TMOD3: variants seen among roughly 807,000 people sequenced by gnomAD.
TMOD3 encodes tropomodulin 3, also known as tropomodulin-3.
Under a neutral mutation model 39.2 loss-of-function variants are expected in TMOD3, and 20 were observed. The ratio of observed to expected loss-of-function variants is 0.51; its 90% confidence interval spans 0.36 to 0.74. The LOEUF (loss-of-function observed/expected upper bound fraction) is 0.74, where lower values mean the gene tolerates loss of function less well. TMOD3 is among the 30% of genes least tolerant of loss of function. The probability of loss-of-function intolerance (pLI) is 0.00; values close to 1 mark genes in which losing one functional copy is unlikely to be tolerated. For missense variants in TMOD3, 381 were observed against 412.8 expected, an observed-to-expected ratio of 0.92 and a Z score of 0.67; for synonymous variants, 143 against 145.8, an observed-to-expected ratio of 0.98 and a Z score of 0.14.
intron 2 of TMOD3, among the ~76,000 whole-genome samples, chr15:51,865,213 A>G (rs1004467762): frequency 1.3e-5 from 2 of 152,182 alleles, no homozygotes; most frequent in Admixed American, 6.5e-5. Flanking sequence ...ACTGAAAAAC[A>G]TAATACCCTC....
intron 3 of TMOD3, among the ~76,000 whole-genome samples, chr15:51,883,950 A>T (rs2056547260): frequency 6.6e-6 from 1 of 152,256 alleles, no homozygotes; most frequent in Non-Finnish European, 1.5e-5. Context: ...AATTATCAGG[A>T]CATAATGATT....
chr15:51,900,108 G>A (rs770729592), intron 7 of TMOD3, 47 bp from the exon 8 acceptor site: 1 of 1,555,784 alleles, frequency 6.4e-7, no homozygotes. Flanking sequence ...ATATGTAGTA[G>A]GTACTGTATC....
intron 3 of TMOD3, chr15:51,874,929 A>G (rs2056494033): frequency 2.0e-5 from 3 of 152,102 alleles, no homozygotes; most frequent in East Asian, 3.9e-4. Flanking sequence ...GGGTACAGCC[A>G]TTTATGCTTT....
intron 3 of TMOD3, among the ~76,000 whole-genome samples, chr15:51,878,400 G>GTGTGTGTGTGTT (rs2056516356): frequency 1.3e-5 from 2 of 152,100 alleles, no homozygotes; most frequent in South Asian, 4.2e-4. Context: ...GTGTGTGTGT[G>GTGTGTGTGTGTT]TGTGTGTAAA....
chr15:51,842,452 C>T (rs959875362), intron 1 of TMOD3, among the ~76,000 whole-genome samples: 2 of 152,168 alleles, frequency 1.3e-5, no homozygotes, highest in African/African-American at 2.4e-5. Context: ...AGTCATCTTG[C>T]CCTTTCTCTT....
Position 51,906,977 on chromosome 15 carries a change from G to A in TMOD3, c.1025-1799G>A, listed in dbSNP as rs144946573. Among the ~76,000 whole-genome samples the A allele has an allele frequency of 6.1e-3, 883 of 144,166 alleles. 7 individuals are homozygous for A. Among genetic ancestry groups the A allele is most frequent in the African/African-American group, 0.022 (838 of 38,650 alleles). 94.6% of individuals were successfully genotyped at this position (144,166 alleles called of 152,430 possible). The stretch of plus-strand genomic sequence containing the variant: ...AGAGGTTGCGGTGAGCCGAGATCGC[G>A]CCATTGCACTCCAGCCTGGGCAACA... On this transcript the variant is annotated intron_variant, in intron 9 of 9. Coordinates refer to ENST00000308580, the MANE Select transcript of TMOD3 (RefSeq NM_014547.5).
chr15:51,880,797 G>A (rs1045834190), intron 3 of TMOD3, among the ~76,000 whole-genome samples: 4 of 152,144 alleles, frequency 2.6e-5, no homozygotes, highest in African/African-American at 9.7e-5. Flanking sequence ...TTTTATACAA[G>A]TTGTTATATA....
At chr15:51,885,945 G>A (rs1214163779) in intron 3 of TMOD3, among the ~76,000 whole-genome samples, 2 of 149,936 alleles carry the variant, frequency 1.3e-5, no homozygotes, top group African/African-American at 2.5e-5. Flanking sequence ...CGGACAGGGT[G>A]GCTGGCCGGG....
chr15:51,887,644 G>A lies in TMOD3; in HGVS notation c.339G>A (p.Val113=), dbSNP rs1391241230. 6.2e-7 allele frequency: 1 copy of A among 1,613,930 alleles called. No individual in the cohort carries two copies. The highest frequency in any genetic ancestry group is 1.7e-5 in the Admixed American group (1 of 59,986). ...TACAGACTTTTACAGAAGAAAAAGT[G>A]TCTCTTGATCCAGAATTAGAAGAAG... The part of the protein sequence containing the change: ...KPVQTFTEEK[V]SLDPELEEAL... The change falls in exon 4 of 10, where the codon GTG becomes GTA. Residue 113 remains valine, a synonymous_variant. Coordinates refer to ENST00000308580, the MANE Select transcript of TMOD3 (RefSeq NM_014547.5).
intron 5 of TMOD3, 131 bp from the exon 6 acceptor site, chr15:51,893,684 G>GA: frequency 1.2e-6 from 1 of 801,052 alleles, no homozygotes; most frequent in Non-Finnish European, 1.7e-6. Flanking sequence ...AGAATGGCTT[G>GA]AACCCGGGAG....
At chr15:51,884,421 G>C (rs2056549606) in intron 3 of TMOD3, 2 of 152,200 alleles carry the variant, frequency 1.3e-5, no homozygotes, top group African/African-American at 4.8e-5. Flanking sequence ...TTTGATTTCA[G>C]TTTGGGACAG....
rs555969950 is a variant in TMOD3 at position 51,880,553 on chromosome 15, A to G, written c.284-7036A>G. On this transcript the variant is annotated intron_variant, in intron 3 of 9. Coordinates refer to ENST00000308580, the MANE Select transcript of TMOD3 (RefSeq NM_014547.5). ...AGCAACTTTCTTTCTGGATTTGCCT[A>G]GTCTGGATATTTCTTATAAACAGAA... Among the ~76,000 whole-genome samples, 18 of 152,268 alleles carry G rather than the reference A, an allele frequency of 1.2e-4. No individual in the cohort carries two copies. The East Asian group carries it at 3.1e-3, about 26-fold the overall frequency.
rs1447309221 is a variant in TMOD3, at chr15:51,909,727, C to G, written c.*917C>G. On this transcript the variant is annotated 3_prime_UTR_variant, in exon 10 of 10. Coordinates refer to ENST00000308580, the MANE Select transcript of TMOD3 (RefSeq NM_014547.5). ...CAGTATGAGGCACTTGCAAAACAGT[C>G]ATTTAAACTGATGGTTACTGTAAGT... 8 of 152,066 alleles carry G rather than the reference C, an allele frequency of 5.3e-5. No individual in the cohort carries two copies. The highest frequency in any genetic ancestry group is 1.0e-4 in the Non-Finnish European group (7 of 68,022). 9.4% of individuals were successfully genotyped at this position (152,066 alleles called of 1,614,324 possible).
At position 51,877,976 on chromosome 15, in the gene TMOD3, G is replaced by A. The variant is rs141252207; in HGVS notation, c.283+8603G>A. ...TGCTGAACACTCAGTGTGACCCTCT[G>A]CACAACTCCTGGGCTCCCTCTCTGT... On this transcript the variant is annotated intron_variant, in intron 3 of 9. Coordinates refer to ENST00000308580, the MANE Select transcript of TMOD3 (RefSeq NM_014547.5). Among the ~76,000 whole-genome samples the A allele has an allele frequency of 3.3e-5, 5 of 152,072 alleles. No homozygotes were observed. The East Asian group carries it at 7.7e-4, about 24-fold the overall frequency.
intron 1 of TMOD3, among the ~76,000 whole-genome samples, chr15:51,830,125 C>A (rs2056247004): frequency 6.6e-6 from 1 of 152,136 alleles, no homozygotes; most frequent in South Asian, 2.1e-4. Context: ...TCGGGACCGG[C>A]CCCCTCCCCT....
At chr15:51,882,388 A>G (rs962892657) in intron 3 of TMOD3, among the ~76,000 whole-genome samples, 4 of 151,868 alleles carry the variant, frequency 2.6e-5, no homozygotes, top group African/African-American at 7.2e-5. Flanking sequence ...AGTCCCAGCT[A>G]CTTGGGAGGC....
intron 2 of TMOD3, 73 bp from the exon 3 acceptor site, chr15:51,869,144 A>G (rs1388505271): frequency 2.1e-5 from 31 of 1,502,280 alleles, no homozygotes; most frequent in Non-Finnish European, 2.6e-5. Context: ...TCTTTTTTAT[A>G]TGGGTAATCT....
intron 1 of TMOD3, among the ~76,000 whole-genome samples, chr15:51,830,753 A>AT (rs948340864): frequency 1.3e-5 from 2 of 152,120 alleles, no homozygotes; most frequent in Admixed American, 6.5e-5. Flanking sequence ...CTTCAGATTA[A>AT]TTTTTTTGGC....
In TMOD3 at chr15:51,862,999, C is replaced by A. The variant is rs767416816; in HGVS notation, c.115C>A (p.Leu39Ile). 1 of 1,612,840 alleles carries A rather than the reference C, an allele frequency of 6.2e-7. No homozygotes were observed. The highest frequency in any genetic ancestry group is 1.3e-5 in the African/African-American group (1 of 74,858). ...LKQLETVLDD[L>I]DPENALLPAG... ...ACAACTGGAAACTGTTTTGGATGATCTTGACCCCGAGGTAGGTGCTAGGTG... is the reference window on the plus strand; with the variant it reads ...ACAACTGGAAACTGTTTTGGATGATATTGACCCCGAGGTAGGTGCTAGGTG... The change falls in exon 2 of 10, where the codon CTT becomes ATT. Residue 39 changes from leucine (L) to isoleucine (I), a missense_variant. By Grantham distance (5) the Leu-to-Ile change is conservative. Transcript: ENST00000308580.
Sources: allele counts gnomAD v4.1 joint callset (sites outside exome capture counted in the v4.1 genomes callset), GRCh38; gene constraint gnomAD v4.1.1; transcripts MANE v1.5; gene names NCBI Gene and HGNC (gene_info 2026-07-23, HGNC 2026-07-21).